Variants in VCPIP1 observed in about 807,000 individuals in gnomAD.
The protein encoded by VCPIP1 is valosin containing protein interacting protein 1, also known as deubiquitinating protein VCPIP1.
In VCPIP1, 8 loss-of-function variants were observed where a neutral mutation model predicts 85.0. The ratio of observed to expected loss-of-function variants is 0.09; its 90% CI spans 0.06 to 0.17. The LOEUF (loss-of-function observed/expected upper bound fraction) is 0.17. Ranked by LOEUF, VCPIP1 falls within the 10% of genes least tolerant of loss-of-function variation. VCPIP1 has a pLI of 1.00. For missense variants in VCPIP1, 1,070 were observed against 1,486.3 expected (o/e 0.72, Z 4.61); for synonymous variants, 543 against 544.5 (o/e 1.00, Z 0.04).
At chr8:66,661,841 G>A (rs1811161228) in intron 1 of VCPIP1, among the ~76,000 whole-genome samples, 1 of 146,046 alleles carries the variant, frequency 6.8e-6, no homozygotes, top group Non-Finnish European at 1.5e-5. Flanking sequence ...TCGGCTCACT[G>A]CAACCTCTGC....
At chr8:66,642,489 C>T (rs373590542) in intron 2 of VCPIP1, among the ~76,000 whole-genome samples, 1 of 151,950 alleles carries the variant, frequency 6.6e-6, no homozygotes, top group African/African-American at 2.4e-5. Flanking sequence ...TATGCCTAAT[C>T]CAAGGTCAAT....
At chr8:66,638,972 A>C (rs180929339) in intron 2 of VCPIP1, among the ~76,000 whole-genome samples, 10,711 of 125,986 alleles carry the variant, frequency 0.085, 428 homozygotes, top group Admixed American at 0.1. Flanking sequence ...CTCTCTCTCT[A>C]TATATATATA....
intron 2 of VCPIP1, among the ~76,000 whole-genome samples, 167 bp downstream of exon 2, chr8:66,651,291 C>T (rs953937968): frequency 4.0e-5 from 6 of 151,630 alleles, no homozygotes; most frequent in African/African-American, 1.2e-4. Flanking sequence ...GAAAACATAG[C>T]TGACCATATC....
chr8:66,663,034 G>A (rs942019114), intron 1 of VCPIP1, among the ~76,000 whole-genome samples: 9 of 149,910 alleles, frequency 6.0e-5, no homozygotes, highest in African/African-American at 2.0e-4. Context: ...GAACCCGGGA[G>A]GTGGAGTTTG....
intron 2 of VCPIP1, 21 bp downstream of exon 2, chr8:66,651,437 A>C: frequency 6.4e-7 from 1 of 1,563,924 alleles, no homozygotes; most frequent in South Asian, 1.2e-5. Context: ...TTATTTAAGA[A>C]TAAAATCAAA....
intron 2 of VCPIP1, among the ~76,000 whole-genome samples, chr8:66,638,480 CAAA>C (rs34135306): frequency 8.4e-6 from 1 of 118,712 alleles, no homozygotes; most frequent in African/African-American, 3.4e-5. Context: ...AACCCCATCT[CAAA>C]AAAAAAAAAA....
Position 66,648,386 on chromosome 8 carries a change from ACTGT to A in VCPIP1, c.2797+3068_2797+3071del, listed in dbSNP as rs559363129. ...ATGAGTGTGGCTGTGCTCCAATAAA[ACTGT>A]CTGTCTGTCTATCTATCTAATCTAA... On this transcript the variant is annotated intron_variant, in intron 2 of 2. Coordinates refer to ENST00000310421, the MANE Select transcript of VCPIP1 (RefSeq NM_025054.5). Among the ~76,000 whole-genome samples, 234 of 152,150 alleles carry A rather than the reference ACTGT, an allele frequency of 1.5e-3. 1 individual carries two copies. The highest frequency in any genetic ancestry group is 5.4e-3 in the South Asian group (26 of 4,808).
chr8:66,649,943 AGAG>A (rs1245920604), intron 2 of VCPIP1, among the ~76,000 whole-genome samples: 1 of 152,222 alleles, frequency 6.6e-6, no homozygotes, highest in Non-Finnish European at 1.5e-5. Context: ...AGAAAAACCA[AGAG>A]AAGAAAACAT....
At chr8:66,645,232 A>C (rs1810982947) in intron 2 of VCPIP1, among the ~76,000 whole-genome samples, 2 of 151,880 alleles carry the variant, frequency 1.3e-5, no homozygotes, top group African/African-American at 2.4e-5. Flanking sequence ...AGCTTGGCCG[A>C]CATAGTGAAA....
chr8:66,665,526 A>G lies in VCPIP1; in HGVS notation c.1433T>C (p.Leu478Pro). 6.2e-7 allele frequency: 1 copy of G among 1,614,110 alleles called. No homozygotes were observed. Among genetic ancestry groups the G allele is most frequent in the Non-Finnish European group, 8.5e-7 (1 of 1,179,970 alleles). The change falls in exon 1 of 3, where the codon CTT (leucine) becomes CCT (proline). Residue 478 changes from leucine to proline, a missense_variant. This residue lies in a region of VCPIP1 where 83 missense variants were observed against 134.6 expected (regional missense o/e 0.62). Transcript: ENST00000310421. The surrounding 1 kb of genome is among the most constrained non-coding windows in gnomAD (Gnocchi z 4.3). Reference sequence around the variant, plus strand: ...AGCCAACCACTCTGGAGGAACATGAAGTTCAGAAAGGGCACCACAGAGCAA... The same window carrying G: ...AGCCAACCACTCTGGAGGAACATGAGGTTCAGAAAGGGCACCACAGAGCAA... ...KCLLCGALSELHVPPEWLAPG... is the reference protein window; with the variant it reads ...KCLLCGALSEPHVPPEWLAPG...
At chr8:66,645,764 A>T (rs1232867454) in intron 2 of VCPIP1, among the ~76,000 whole-genome samples, 2 of 146,048 alleles carry the variant, frequency 1.4e-5, no homozygotes, top group Admixed American at 1.3e-4. Context: ...CTCTACAAAA[A>T]AAAAAAAAAA....
chr8:66,649,898 G>GA (rs1244685365), intron 2 of VCPIP1, among the ~76,000 whole-genome samples: 6 of 151,210 alleles, frequency 4.0e-5, no homozygotes, highest in African/African-American at 7.3e-5. Context: ...TGTCTTAAAA[G>GA]AAAAAAAACA....
At chr8:66,635,560 TC>T (rs1810876177) in intron 2 of VCPIP1, among the ~76,000 whole-genome samples, 188 bp from the exon 3 acceptor site, 1 of 152,174 alleles carries the variant, frequency 6.6e-6, no homozygotes, top group Non-Finnish European at 1.5e-5. Flanking sequence ...AAAGTAGTTC[TC>T]CCCAGAGAAT....
chr8:66,645,408 G>T (rs971995122), intron 2 of VCPIP1, among the ~76,000 whole-genome samples: 7 of 152,004 alleles, frequency 4.6e-5, no homozygotes, highest in Admixed American at 4.6e-4. Flanking sequence ...AACAGAGCAA[G>T]ACTCCATCTC....
chr8:66,657,881 T>A (rs1811115181), intron 1 of VCPIP1, among the ~76,000 whole-genome samples: 1 of 152,196 alleles, frequency 6.6e-6, no homozygotes, highest in African/African-American at 2.4e-5. Context: ...ATATTTGACT[T>A]AATTTTCAAA....
chr8:66,637,926 C>T (rs1810905192), intron 2 of VCPIP1, among the ~76,000 whole-genome samples: 1 of 152,136 alleles, frequency 6.6e-6, no homozygotes, highest in African/African-American at 2.4e-5. Flanking sequence ...GAGCCAAGAC[C>T]GTGCCATTGC....
rs957659325 is a variant in VCPIP1 at position 66,635,101 on chromosome 8, A to G, written c.3069T>C (p.Thr1023=). ...KKKSEQLHNV[T]AFQGKGHSLG... ...AAGAATGCCCTTTTCCCTGAAAGGC[A>G]GTTACGTTATGAAGTTGCTCAGATT... Residue 1023 remains threonine (T), a synonymous_variant, in exon 3 of 3, where the codon ACT becomes ACC. Transcript: ENST00000310421. 6.2e-7 allele frequency: 1 copy of G among 1,614,222 alleles called. No individual in the cohort carries two copies. The highest frequency in any genetic ancestry group is 2.2e-5 in the East Asian group (1 of 44,886).
chr8:66,655,536 A>T (rs1276419122), intron 1 of VCPIP1, among the ~76,000 whole-genome samples: 1 of 152,218 alleles, frequency 6.6e-6, no homozygotes, highest in Non-Finnish European at 1.5e-5. Flanking sequence ...CCTTTTAAAC[A>T]GTGCCTTAAA....
At chr8:66,641,903 G>A (rs1810951990) in intron 2 of VCPIP1, among the ~76,000 whole-genome samples, 1 of 152,138 alleles carries the variant, frequency 6.6e-6, no homozygotes. Flanking sequence ...ATGAACATTT[G>A]TGTACAAATT....
Sources: gnomAD v4.1 joint callset for allele counts (sites outside exome capture counted in the v4.1 genomes callset) on GRCh38, gnomAD v4.1.1 for gene constraint, gnomAD v4.1.1 regional missense constraint, Gnocchi (gnomAD v3.1) non-coding constraint, MANE v1.5 for transcripts, NCBI Gene and HGNC (gene_info 2026-07-23, HGNC 2026-07-21) for gene names.